NAT10: variants seen among roughly 807,000 people sequenced by gnomAD.
NAT10 encodes RNA cytidine acetyltransferase.
In NAT10, 109 loss-of-function variants were observed where a neutral mutation model predicts 132.2. The ratio of observed to expected loss-of-function variants is 0.82; its 90% CI spans 0.71 to 0.97. The LOEUF (loss-of-function observed/expected upper bound fraction) is 0.97, where lower values mean the gene tolerates loss of function less well. Among genes scored for constraint, NAT10 ranks in the 50% least tolerant of loss-of-function variants. The pLI is 0.00. For synonymous variants in NAT10, 479 were observed against 478.0 expected (o/e 1.00, Z -0.03); for missense variants, 1,184 against 1,263.4 (o/e 0.94, Z 0.95).
chr11:34,118,928 A>G (rs1851835419), intron 8 of NAT10, among the ~76,000 whole-genome samples: 1 of 152,158 alleles, frequency 6.6e-6, no homozygotes, highest in Admixed American at 6.5e-5. Flanking sequence ...TTGAAAGAGG[A>G]ATCCTCTCAC....
At chr11:34,144,047 C>A (rs190636118) in intron 28 of NAT10, among the ~76,000 whole-genome samples, 1 of 152,324 alleles carries the variant, frequency 6.6e-6, no homozygotes, top group Admixed American at 6.5e-5. Context: ...CAGCAGTTCT[C>A]AAGGTTTTGG....
rs1413247460 is a variant in NAT10, at chr11:34,134,308, T to C, written c.1735-11T>C. The C allele has an allele frequency of 1.1e-5, 17 of 1,611,866 alleles. No individual in the cohort carries two copies. The East Asian group carries it at 3.3e-4, about 32-fold the overall frequency. ...GGCCTTTCTGCCTGCACTGTCCTGC[T>C]TCCCCCACAGGTGTGCCTTGAAGGG... On this transcript the variant is annotated splice_polypyrimidine_tract_variant and intron_variant, in intron 16 of 28. Coordinates refer to ENST00000257829, the MANE Select transcript of NAT10 (RefSeq NM_024662.3).
intron 19 of NAT10, 53 bp from the exon 20 acceptor site, chr11:34,136,589 T>C: frequency 6.2e-7 from 1 of 1,609,206 alleles, no homozygotes; most frequent in Admixed American, 1.7e-5. Flanking sequence ...TGCTTGACGA[T>C]GTCTCTCTCC....
At chr11:34,125,650 G>A (rs1462253098) in intron 11 of NAT10, among the ~76,000 whole-genome samples, 2 of 152,158 alleles carry the variant, frequency 1.3e-5, no homozygotes, top group Admixed American at 6.5e-5. Context: ...TGTTGAGGAT[G>A]TACATTCTGC....
rs562750233 is a variant in NAT10 at position 34,146,723 on chromosome 11, C to T, written c.*531C>T. On this transcript the variant is annotated 3_prime_UTR_variant, in exon 29 of 29. Transcript: ENST00000257829. ...GCTGATGTTGTCTTGTGCTGTTCCACTCTTGGCTCCAGCAGACCCACTGTC... is the reference window on the plus strand; with the variant it reads ...GCTGATGTTGTCTTGTGCTGTTCCATTCTTGGCTCCAGCAGACCCACTGTC... The T allele has an allele frequency of 6.5e-6, 1 of 152,772 alleles. No homozygotes were observed. The highest frequency in any genetic ancestry group is 1.9e-4 in the East Asian group (1 of 5,192). 9.5% of individuals were successfully genotyped at this position (152,772 alleles called of 1,614,324 possible). A position where few individuals can be genotyped will look rare whatever the true frequency, so the allele number is the denominator to read the frequency against.
intron 6 of NAT10, among the ~76,000 whole-genome samples, chr11:34,117,504 C>T (rs1014899491): frequency 3.3e-5 from 5 of 152,074 alleles, no homozygotes; most frequent in African/African-American, 9.7e-5. Flanking sequence ...TGTAGAAATC[C>T]GAGCCTTGAT....
chr11:34,134,521 C>G lies in NAT10; in HGVS notation c.1846C>G (p.Pro616Ala), dbSNP rs1168057255. Residue 616 changes from proline (P) to alanine (A), a missense_variant, in exon 18 of 29, where the codon CCA becomes GCA. Transcript: ENST00000257829. Reference protein sequence around the residue: ...PWTVSEQFQDPDFGGLSGGRV... With the variant: ...PWTVSEQFQDADFGGLSGGRV... ...TGTGTCTCCCACACAGTTCCAAGAT[C>G]CAGACTTTGGTGGTCTGTCTGGTGG... The G allele has an allele frequency of 2.5e-6, 4 of 1,614,162 alleles. No homozygotes were observed. The highest frequency in any genetic ancestry group is 2.5e-6 in the Non-Finnish European group (3 of 1,180,034).
At chr11:34,115,759 T>C in intron 5 of NAT10, 64 bp from the exon 6 acceptor site, 3 of 1,550,260 alleles carry the variant, frequency 1.9e-6, no homozygotes, top group Non-Finnish European at 2.7e-6. Flanking sequence ...AGCTTTGTAT[T>C]TGGACCCTGG....
chr11:34,123,532 G>A (rs1851932593), intron 9 of NAT10, among the ~76,000 whole-genome samples: 1 of 152,180 alleles, frequency 6.6e-6, no homozygotes, highest in Non-Finnish European at 1.5e-5. Context: ...TGCACACCGA[G>A]GGCGTTGTCT....
chr11:34,127,721 G>A, intron 12 of NAT10, 122 bp downstream of exon 12: 1 of 1,268,358 alleles, frequency 7.9e-7, no homozygotes, highest in East Asian at 2.4e-5. Flanking sequence ...CTGAGTGTTT[G>A]AGGCTGCTTC....
intron 6 of NAT10, 39 bp from the exon 7 acceptor site, chr11:34,118,141 C>A: frequency 6.7e-7 from 1 of 1,486,588 alleles, no homozygotes; most frequent in Non-Finnish European, 9.4e-7. Context: ...ACATTGCATG[C>A]CCTCCCCAAC....
chr11:34,135,889 A>AG (rs71037400), intron 19 of NAT10, among the ~76,000 whole-genome samples: 152,063 of 152,064 alleles, frequency 1, 76,031 homozygotes, highest in Non-Finnish European at 1. Context: ...CTTGAACCCC[A>AG]AGGTTGAGGC....
At chr11:34,142,882 G>A (rs1055718723) in intron 27 of NAT10, among the ~76,000 whole-genome samples, 1 of 152,214 alleles carries the variant, frequency 6.6e-6, no homozygotes, top group African/African-American at 2.4e-5. Context: ...CTGTAGTCCT[G>A]TTTCTGGGTC....
Position 34,132,636 on chromosome 11 carries a change from G to C in NAT10, c.1618-390G>C, listed in dbSNP as rs80023395. On this transcript the variant is annotated intron_variant, in intron 15 of 28. Coordinates refer to ENST00000257829, the MANE Select transcript of NAT10 (RefSeq NM_024662.3). ...AAAAAGGATACTTTTTGAATGTCTA[G>C]ATAGTATTTTTATGAACAGCTTTTA... Among the ~76,000 whole-genome samples the C allele has an allele frequency of 4.7e-3, 712 of 152,364 alleles. 2 individuals are homozygous for C. The highest frequency in any genetic ancestry group is 7.5e-3 in the Non-Finnish European group (510 of 68,040).
chr11:34,117,026 C>G (rs753727000), intron 6 of NAT10, among the ~76,000 whole-genome samples: 1 of 152,060 alleles, frequency 6.6e-6, no homozygotes, highest in African/African-American at 2.4e-5. Flanking sequence ...CCACCGTGCC[C>G]GATCATAGAA....
chr11:34,140,444 C>G lies in NAT10; in HGVS notation c.2464C>G (p.Leu822Val), dbSNP rs371023260. Residue 822 changes from leucine (L) to valine (V), a missense_variant, in exon 24 of 29, where the codon CTG becomes GTG. Physicochemically the swap from Leu to Val is conservative, Grantham distance 32 (BLOSUM62 1). Coordinates refer to ENST00000257829, the MANE Select transcript of NAT10 (RefSeq NM_024662.3). The part of the protein sequence containing the change: ...ELEALFLPYD[L>V]KRLEMYSRNM... ...GGAAGCACTCTTCCTCCCCTATGACCTGAAGCGGCTGGAGATGTATTCACG... is the reference window on the plus strand; with the variant it reads ...GGAAGCACTCTTCCTCCCCTATGACGTGAAGCGGCTGGAGATGTATTCACG... 4 of 1,614,074 alleles carry G rather than the reference C, an allele frequency of 2.5e-6. No individual in the cohort carries two copies. Among genetic ancestry groups the G allele is most frequent in the Admixed American group, 1.7e-5 (1 of 60,006 alleles).
chr11:34,128,143 C>T (rs1431954032), intron 12 of NAT10, among the ~76,000 whole-genome samples: 1 of 152,006 alleles, frequency 6.6e-6, no homozygotes, highest in East Asian at 1.9e-4. Flanking sequence ...ATCACAAGGT[C>T]AGGAGTTCGA....
intron 5 of NAT10, 86 bp from the exon 6 acceptor site, chr11:34,115,737 C>T: frequency 7.3e-7 from 1 of 1,360,812 alleles, no homozygotes; most frequent in South Asian, 1.3e-5. Context: ...TTGCCCATGT[C>T]TCCTTGGATA....
At chr11:34,107,095 A>G (rs1470094883) in intron 1 of NAT10, 1 of 143,914 alleles carries the variant, frequency 6.9e-6, no homozygotes, top group African/African-American at 2.6e-5. Context: ...GCAATGGCAC[A>G]CCATCTCGGC....
Sources: gnomAD v4.1 joint callset for allele counts (sites outside exome capture counted in the v4.1 genomes callset) on GRCh38, gnomAD v4.1.1 for gene constraint, MANE v1.5 for transcripts, NCBI Gene and HGNC (gene_info 2026-07-23, HGNC 2026-07-21) for gene names.